NR2E1: variants seen among roughly 807,000 people sequenced by gnomAD.
NR2E1 encodes the protein nuclear receptor subfamily 2 group E member 1.
In NR2E1, 5 loss-of-function variants were observed where a neutral mutation model predicts 43.6. The observed-to-expected ratio is 0.11, with a 90% CI of 0.06 to 0.24. The LOEUF is 0.24. NR2E1 is among the 10% of genes least tolerant of loss of function. NR2E1 has a pLI of 1.00. For synonymous variants in NR2E1, 191 were observed against 195.5 expected (o/e 0.98, Z 0.19); for missense variants, 287 against 496.7 (o/e 0.58, Z 4.01).
At position 108,187,550 on chromosome 6, in the gene NR2E1, A is replaced by G. The variant is rs1377170248; in HGVS notation, c.*87A>G. On this transcript the variant is annotated 3_prime_UTR_variant, in exon 9 of 9. Coordinates refer to ENST00000368986, the MANE Select transcript of NR2E1 (RefSeq NM_003269.5). ...ACAAGCCTCAACTAACAAACCCTTC[A>G]GGAAGCATATACCGGGGAATGTGTA... is the stretch of plus-strand genomic sequence containing the variant. The G allele has an allele frequency of 4.2e-6, 6 of 1,425,414 alleles. No individual in the cohort carries two copies. In the East Asian group the frequency reaches 9.1e-5, roughly 22 times the overall value. 88.3% of individuals were successfully genotyped at this position (1,425,414 alleles called of 1,614,324 possible).
At chr6:108,184,222 A>C (rs1343988157) in intron 8 of NR2E1, among the ~76,000 whole-genome samples, 2 of 152,154 alleles carry the variant, frequency 1.3e-5, no homozygotes, top group Non-Finnish European at 2.9e-5. Flanking sequence ...AATTAAAAAG[A>C]CAAAAAAACA....
Position 108,166,960 on chromosome 6 carries a change from G to A in NR2E1, c.25+170G>A, listed in dbSNP as rs1182032581. ...TGTAGACCGTGAGTTGGAGCATTTC[G>A]TGGAGAGGGGAGAGCCGTTTCGTTG... On this transcript the variant is annotated intron_variant, in intron 1 of 8. Coordinates refer to ENST00000368986, the MANE Select transcript of NR2E1 (RefSeq NM_003269.5). The surrounding 1 kb of genome is among the most constrained non-coding windows in gnomAD (Gnocchi z 7.2). 6.6e-6 allele frequency among the ~76,000 whole-genome samples: 1 copy of A among 152,170 alleles called. No individual in the cohort carries two copies. The highest frequency in any genetic ancestry group is 2.4e-5 in the African/African-American group (1 of 41,452).
chr6:108,176,823 G>A, intron 4 of NR2E1, 85 bp downstream of exon 4: 1 of 1,323,596 alleles, frequency 7.6e-7, no homozygotes, highest in Non-Finnish European at 1.0e-6. Context: ...TGTGATTGGG[G>A]TCAGGCAAAC....
rs776618769 is a variant in NR2E1, at chr6:108,187,473, A to G, written c.*10A>G. On this transcript the variant is annotated 3_prime_UTR_variant, in exon 9 of 9. Transcript: ENST00000368986. The stretch of plus-strand genomic sequence containing the variant: ...ATCCAGTGATATCTAAGCTCACAAG[A>G]TACCCACTTTTCAGGATGGGACAGT... 5.0e-6 allele frequency: 8 copies of G among 1,614,030 alleles called. No individual in the cohort carries two copies. In the Admixed American group the frequency reaches 1.0e-4, roughly 20 times the overall value.
At chr6:108,186,425 G>A (rs943556539) in intron 8 of NR2E1, among the ~76,000 whole-genome samples, 1 of 152,214 alleles carries the variant, frequency 6.6e-6, no homozygotes, top group Admixed American at 6.5e-5. Flanking sequence ...CTCCTTCGAA[G>A]GAATTTTGAT....
intron 1 of NR2E1, among the ~76,000 whole-genome samples, chr6:108,167,846 A>G (rs1347290655): frequency 2.0e-5 from 3 of 151,782 alleles, no homozygotes; most frequent in African/African-American, 7.3e-5. Context: ...TGAGTCTTTG[A>G]AAGTTGGGAG....
chr6:108,168,983 G>C (rs546687221), intron 1 of NR2E1: 1 of 152,282 alleles, frequency 6.6e-6, no homozygotes, highest in African/African-American at 2.4e-5. Context: ...AAAAAGCCCC[G>C]AGGGGACCCC....
At chr6:108,177,336 GTTGA>G (rs1278400330) in intron 4 of NR2E1, among the ~76,000 whole-genome samples, 1 of 152,252 alleles carries the variant, frequency 6.6e-6, no homozygotes, top group Non-Finnish European at 1.5e-5. Flanking sequence ...TTACAGCAGG[GTTGA>G]TTCCATAGGA....
chr6:108,170,381 T>G (rs942161253), intron 1 of NR2E1, among the ~76,000 whole-genome samples: 2 of 152,164 alleles, frequency 1.3e-5, no homozygotes, highest in Admixed American at 6.5e-5. Context: ...GAGGAAGCAT[T>G]TCTAAGTCCC....
At chr6:108,175,067 C>A (rs897342709) in intron 3 of NR2E1, 144 bp downstream of exon 3, 2 of 765,574 alleles carry the variant, frequency 2.6e-6, no homozygotes, top group Non-Finnish European at 2.2e-6. Context: ...GGCTTTCAGT[C>A]GTATCCTTCC....
In NR2E1 at chr6:108,170,601, AT is replaced by A. The variant is rs1229213979; in HGVS notation, c.26-854del. On this transcript the variant is annotated intron_variant, in intron 1 of 8. Coordinates refer to ENST00000368986, the MANE Select transcript of NR2E1 (RefSeq NM_003269.5). ...CCTAGAGAAATCAGTCAGATTCTTA[AT>A]TTAAAAAAAAATCAGGCTCAAAGAG... is the stretch of plus-strand genomic sequence containing the variant. 1.5e-4 allele frequency among the ~76,000 whole-genome samples: 22 copies of A among 151,572 alleles called. No individual in the cohort carries two copies. In the South Asian group the frequency reaches 3.4e-3, roughly 23 times the overall value.
intron 1 of NR2E1, among the ~76,000 whole-genome samples, chr6:108,168,436 G>A (rs926321560): frequency 2.6e-5 from 4 of 152,214 alleles, no homozygotes; most frequent in Admixed American, 2.0e-4. Flanking sequence ...GGTGAGCGGG[G>A]AGCTCTGCCC....
Position 108,171,450 on chromosome 6 carries a change from G to C in NR2E1, c.26-8G>C. ...TTCCCCCCTTCCCCGTCTTTCCTGCGATTTCAGGCCGCATTTTAGATATCC... is the reference window on the plus strand; with the variant it reads ...TTCCCCCCTTCCCCGTCTTTCCTGCCATTTCAGGCCGCATTTTAGATATCC... On this transcript the variant is annotated splice_polypyrimidine_tract_variant and splice_region_variant and intron_variant, in intron 1 of 8. Transcript: ENST00000368986. 3 of 1,613,220 alleles carry C rather than the reference G, an allele frequency of 1.9e-6. No individual in the cohort carries two copies. The highest frequency in any genetic ancestry group is 2.5e-6 in the Non-Finnish European group (3 of 1,179,846).
chr6:108,169,722 C>A lies in NR2E1; in HGVS notation c.26-1736C>A, dbSNP rs1353091855. On this transcript the variant is annotated intron_variant, in intron 1 of 8. Transcript: ENST00000368986. The surrounding 1 kb of genome is among the most constrained non-coding windows in gnomAD (Gnocchi z 6.1). ...AGTGGAGGACAAGACCCGCTGTGCC[C>A]TTGCCTGGCCCTCTCCAGCCCCTCC... 6.6e-6 allele frequency among the ~76,000 whole-genome samples: 1 copy of A among 152,050 alleles called. No homozygotes were observed. The highest frequency in any genetic ancestry group is 1.5e-5 in the Non-Finnish European group (1 of 68,002).
chr6:108,166,708 C>T lies in NR2E1; in HGVS notation c.-58C>T. On this transcript the variant is annotated 5_prime_UTR_variant, in exon 1 of 9. Coordinates refer to ENST00000368986, the MANE Select transcript of NR2E1 (RefSeq NM_003269.5). This position sits in a 1 kb window ranked among gnomAD's most constrained non-coding sequence, Gnocchi z 7.2. ...CGGCGGCGCCCGGCGGCGAGGCGGG[C>T]GCTGCCGGCCGGGACTCGGGCAGCG... is the stretch of plus-strand genomic sequence containing the variant. 6.9e-7 allele frequency: 1 copy of T among 1,446,228 alleles called. No individual in the cohort carries two copies. The highest frequency in any genetic ancestry group is 9.1e-7 in the Non-Finnish European group (1 of 1,096,000). The allele number at this position is 1,446,228 out of a possible 1,614,324, so 89.6% of individuals were successfully genotyped here. A position where few individuals can be genotyped will look rare whatever the true frequency, so the allele number is the denominator to read the frequency against.
At chr6:108,173,125 T>A (rs1773839638) in intron 2 of NR2E1, among the ~76,000 whole-genome samples, 1 of 152,238 alleles carries the variant, frequency 6.6e-6, no homozygotes, top group Non-Finnish European at 1.5e-5. Flanking sequence ...AATAGACTCA[T>A]CAGGCCTGGT....
chr6:108,174,006 A>G (rs975681140), intron 2 of NR2E1, among the ~76,000 whole-genome samples: 11 of 152,190 alleles, frequency 7.2e-5, no homozygotes, highest in Admixed American at 1.3e-4. Flanking sequence ...CTGAGCCCAT[A>G]TTATCATTTA....
Position 108,187,516 on chromosome 6 carries a change from C to A in NR2E1, c.*53C>A. ...GGGACAGTATCAGATGAACTTCAACCCATGGAGAACAAGCCTCAACTAACA... is the reference window on the plus strand; with the variant it reads ...GGGACAGTATCAGATGAACTTCAACACATGGAGAACAAGCCTCAACTAACA... On this transcript the variant is annotated 3_prime_UTR_variant, in exon 9 of 9. Coordinates refer to ENST00000368986, the MANE Select transcript of NR2E1 (RefSeq NM_003269.5). 1.9e-6 allele frequency: 3 copies of A among 1,580,872 alleles called. No individual in the cohort carries two copies. The highest frequency in any genetic ancestry group is 2.6e-6 in the Non-Finnish European group (3 of 1,151,158).
At position 108,180,676 on chromosome 6, in the gene NR2E1, G is replaced by A. The variant is rs545050446; in HGVS notation, c.740-131G>A. 7.3e-4 allele frequency: 651 copies of A among 890,644 alleles called. 8 individuals carry two copies. In the South Asian group the frequency reaches 8.6e-3, roughly 12 times the overall value. 55.2% of individuals were successfully genotyped at this position (890,644 alleles called of 1,614,324 possible). On this transcript the variant is annotated intron_variant, in intron 6 of 8. Transcript: ENST00000368986. This position sits in a 1 kb window ranked among gnomAD's most constrained non-coding sequence, Gnocchi z 5.4. ...ATATTAACTTTCATACAATATAGCC[G>A]GTTTACATGGAATCAGATATCTTAG... is the stretch of plus-strand genomic sequence containing the variant.
Sources: allele counts gnomAD v4.1 joint callset (sites outside exome capture counted in the v4.1 genomes callset), GRCh38; gene constraint gnomAD v4.1.1; non-coding constraint Gnocchi (gnomAD v3.1); transcripts MANE v1.5; gene names NCBI Gene and HGNC (gene_info 2026-07-23, HGNC 2026-07-21).